The following PXDNL variants were observed in gnomAD, a reference collection of about 807,000 sequenced individuals.
The protein encoded by PXDNL is probable oxidoreductase PXDNL.
A neutral mutation model predicts 150.8 loss-of-function variants in PXDNL; 145 were observed. The observed-to-expected ratio is 0.96, with a 90% CI of 0.84 to 1.10. The LOEUF (loss-of-function observed/expected upper bound fraction) is 1.10. Among genes scored for constraint, PXDNL ranks in the 50% least tolerant of loss-of-function variants. The pLI is 0.00. For missense variants in PXDNL, 2,087 were observed against 1,873.9 expected (o/e 1.11, Z -2.10); for synonymous variants, 757 against 725.7 (o/e 1.04, Z -0.69).
chr8:51,536,998 C>A (rs1357328132), intron 4 of PXDNL, among the ~76,000 whole-genome samples: 1 of 152,186 alleles, frequency 6.6e-6, no homozygotes, highest in Admixed American at 6.5e-5. Flanking sequence ...CAGATAAAGG[C>A]AGACTTTAGA....
Position 51,406,295 on chromosome 8 carries a change from T to C in PXDNL, c.3557+1772A>G, listed in dbSNP as rs564942014. Among the ~76,000 whole-genome samples the C allele has an allele frequency of 5.9e-5, 9 of 152,332 alleles. No homozygotes were observed. In the East Asian group the frequency reaches 1.2e-3, roughly 20 times the overall value. On this transcript the variant is annotated intron_variant, in intron 17 of 22. Coordinates refer to ENST00000356297, the MANE Select transcript of PXDNL (RefSeq NM_144651.5). ...GGAAACATTTAAAATTCTGATAGGATTGCATACATGGCCACAAGCCTATCT... is the reference window on the plus strand; with the variant it reads ...GGAAACATTTAAAATTCTGATAGGACTGCATACATGGCCACAAGCCTATCT...
chr8:51,528,640 C>T (rs1811815915), intron 4 of PXDNL, among the ~76,000 whole-genome samples: 1 of 152,080 alleles, frequency 6.6e-6, no homozygotes, highest in Admixed American at 6.5e-5. Context: ...TCTAATCACA[C>T]CAGTTCTTAA....
At chr8:51,414,081 G>C (rs1808726391) in intron 14 of PXDNL, among the ~76,000 whole-genome samples, 1 of 151,972 alleles carries the variant, frequency 6.6e-6, no homozygotes, top group South Asian at 2.1e-4. Context: ...GTCATTTAGG[G>C]GAAGTAAAAG....
At chr8:51,439,312 CAT>C (rs1266424950) in intron 12 of PXDNL, among the ~76,000 whole-genome samples, 6 of 151,992 alleles carry the variant, frequency 3.9e-5, no homozygotes, top group East Asian at 3.9e-4. Flanking sequence ...GGCCAACAAA[CAT>C]ATGAAAAAAT....
At chr8:51,566,540 G>A (rs2130577218) in intron 3 of PXDNL, among the ~76,000 whole-genome samples, 1 of 151,672 alleles carries the variant, frequency 6.6e-6, no homozygotes, top group African/African-American at 2.4e-5. Context: ...CAAGAAATTA[G>A]TCCATTTTAT....
chr8:51,348,526 T>C (rs1219261134), intron 19 of PXDNL, among the ~76,000 whole-genome samples: 1 of 152,192 alleles, frequency 6.6e-6, no homozygotes, highest in Non-Finnish European at 1.5e-5. Flanking sequence ...GTATTCTTGA[T>C]TGCTGAATGT....
intron 1 of PXDNL, among the ~76,000 whole-genome samples, chr8:51,781,547 C>G (rs990547112): frequency 3.3e-5 from 5 of 152,140 alleles, no homozygotes; most frequent in African/African-American, 1.2e-4. Context: ...GATATTGATT[C>G]ACTTTACAAT....
chr8:51,465,403 C>G (rs1313305858), intron 8 of PXDNL, among the ~76,000 whole-genome samples: 1 of 151,786 alleles, frequency 6.6e-6, no homozygotes, highest in Non-Finnish European at 1.5e-5. Context: ...AGCAACATAC[C>G]TCAAAATAAT....
chr8:51,415,130 CCCA>C (rs1808761784), intron 14 of PXDNL, among the ~76,000 whole-genome samples: 1 of 152,094 alleles, frequency 6.6e-6, no homozygotes, highest in African/African-American at 2.4e-5. Flanking sequence ...TAATTTCAAT[CCCA>C]TGCATATATG....
At chr8:51,396,790 A>G (rs1214059414) in intron 17 of PXDNL, among the ~76,000 whole-genome samples, 41 of 152,160 alleles carry the variant, frequency 2.7e-4, no homozygotes. Context: ...AATAATAAAC[A>G]AATAAACCAT....
intron 2 of PXDNL, among the ~76,000 whole-genome samples, chr8:51,642,274 T>C (rs1814780687): frequency 6.6e-6 from 1 of 151,806 alleles, no homozygotes; most frequent in Non-Finnish European, 1.5e-5. Context: ...AGTTAATGGG[T>C]GCAGCACACC....
chr8:51,727,392 T>A (rs77989812), intron 1 of PXDNL, among the ~76,000 whole-genome samples: 8,107 of 152,240 alleles, frequency 0.053, 247 homozygotes, highest in African/African-American at 0.082. Context: ...ATAACCAACA[T>A]AACAAAAACG....
At chr8:51,637,557 C>T (rs990059218) in intron 2 of PXDNL, among the ~76,000 whole-genome samples, 3 of 152,124 alleles carry the variant, frequency 2.0e-5, no homozygotes, top group Non-Finnish European at 4.4e-5. Flanking sequence ...AATGAATGCA[C>T]AAGCTTCAGT....
chr8:51,564,041 T>C (rs1002463001), intron 3 of PXDNL, among the ~76,000 whole-genome samples: 4 of 152,026 alleles, frequency 2.6e-5, no homozygotes, highest in African/African-American at 9.7e-5. Flanking sequence ...ACATGAAATG[T>C]CAAGGAAATT....
intron 21 of PXDNL, among the ~76,000 whole-genome samples, chr8:51,336,026 C>G (rs1479701520): frequency 6.6e-6 from 1 of 152,074 alleles, no homozygotes; most frequent in Non-Finnish European, 1.5e-5. Flanking sequence ...CAAGACAGAC[C>G]TTATGTTGCA....
chr8:51,350,262 C>T (rs1253417714), intron 19 of PXDNL, among the ~76,000 whole-genome samples: 1 of 151,614 alleles, frequency 6.6e-6, no homozygotes, highest in Non-Finnish European at 1.5e-5. Context: ...TCGCATAGGG[C>T]CCAGGGGATT....
chr8:51,580,693 A>C (rs922529867), intron 3 of PXDNL, among the ~76,000 whole-genome samples: 1 of 152,182 alleles, frequency 6.6e-6, no homozygotes, highest in African/African-American at 2.4e-5. Flanking sequence ...AAAAGTAGCT[A>C]AAAAATTCCT....
chr8:51,790,866 C>T (rs1306377081), intron 1 of PXDNL, among the ~76,000 whole-genome samples: 4 of 109,476 alleles, frequency 3.7e-5, no homozygotes, highest in South Asian at 3.1e-4. Flanking sequence ...TCAAGAGACA[C>T]TAATTGATCA....
intron 1 of PXDNL, among the ~76,000 whole-genome samples, chr8:51,682,537 C>G (rs916375827): frequency 6.6e-6 from 1 of 152,184 alleles, no homozygotes; most frequent in African/African-American, 2.4e-5. Context: ...TGTCCTTAAT[C>G]TGTTTGCTGC....
Sources: gnomAD v4.1 joint callset for allele counts (sites outside exome capture counted in the v4.1 genomes callset) on GRCh38, gnomAD v4.1.1 for gene constraint, MANE v1.5 for transcripts, NCBI Gene and HGNC (gene_info 2026-07-23, HGNC 2026-07-21) for gene names.